Variants in SLC39A14 observed in about 807,000 individuals in gnomAD.
SLC39A14 encodes solute carrier family 39 member 14, also known as metal cation symporter ZIP14.
Under a neutral mutation model 45.5 loss-of-function variants are expected in SLC39A14, and 19 were observed. The observed-to-expected ratio is 0.42, with a 90% CI of 0.29 to 0.61. The LOEUF (loss-of-function observed/expected upper bound fraction) is 0.61. Ranked by LOEUF, SLC39A14 falls within the 20% of genes least tolerant of loss-of-function variation. The pLI, the probability that SLC39A14 is intolerant of heterozygous loss-of-function variation, is 0.22. For missense variants in SLC39A14, 447 were observed against 616.5 expected (o/e 0.73, Z 2.91); for synonymous variants, 264 against 251.3 (o/e 1.05, Z -0.48).
chr8:22,382,377 T>C (rs1833560799), intron 1 of SLC39A14, among the ~76,000 whole-genome samples: 1 of 152,154 alleles, frequency 6.6e-6, no homozygotes, highest in Non-Finnish European at 1.5e-5. Context: ...AGTATGGAAC[T>C]AGTTAAATCT....
intron 1 of SLC39A14, among the ~76,000 whole-genome samples, chr8:22,373,049 G>A (rs1385562111): frequency 2.0e-5 from 3 of 152,040 alleles, no homozygotes; most frequent in African/African-American, 7.2e-5. Flanking sequence ...AGATCACAAG[G>A]TCAAGAGATC....
intron 1 of SLC39A14, among the ~76,000 whole-genome samples, chr8:22,384,974 CG>C (rs1351238773): frequency 1.4e-5 from 2 of 144,040 alleles, no homozygotes; most frequent in African/African-American, 5.2e-5. Context: ...TGCTTGAACC[CG>C]GGAGGCGGAG....
chr8:22,421,734 C>T lies in SLC39A14; in HGVS notation c.*2036C>T. On this transcript the variant is annotated 3_prime_UTR_variant, in exon 9 of 9. Coordinates refer to ENST00000381237, the MANE Select transcript of SLC39A14 (RefSeq NM_001128431.4). ...TATAATTTTAGCATTCCCAATAGAT[C>T]CTATCATTCCTTAAACATAATACCC... The T allele has an allele frequency of 1.0e-6, 1 of 984,460 alleles. No individual in the cohort carries two copies. The allele number at this position is 984,460 out of a possible 1,614,324, so 61.0% of individuals were successfully genotyped here. A position where few individuals can be genotyped will look rare whatever the true frequency, so the allele number is the denominator to read the frequency against.
intron 1 of SLC39A14, among the ~76,000 whole-genome samples, chr8:22,401,267 T>G (rs1183246264): frequency 6.6e-6 from 1 of 152,198 alleles, no homozygotes; most frequent in East Asian, 1.9e-4. Flanking sequence ...TCTGCCGCTG[T>G]TCCTCTGTCG....
chr8:22,418,276 C>G (rs1325864986), intron 8 of SLC39A14, among the ~76,000 whole-genome samples: 1 of 152,116 alleles, frequency 6.6e-6, no homozygotes, highest in Non-Finnish European at 1.5e-5. Context: ...TAAGGTGTAC[C>G]TACCATTCAG....
chr8:22,430,674 C>CT (rs997138306), intron 8 of SLC39A14, among the ~76,000 whole-genome samples: 4 of 151,090 alleles, frequency 2.6e-5, no homozygotes, highest in Non-Finnish European at 5.9e-5. Flanking sequence ...GCTCCCAATT[C>CT]TTTTTTTTTC....
chr8:22,402,185 T>C (rs973697736), intron 1 of SLC39A14, among the ~76,000 whole-genome samples: 1 of 151,958 alleles, frequency 6.6e-6, no homozygotes, highest in African/African-American at 2.4e-5. Flanking sequence ...ATTGAGACCA[T>C]CCTGGCTAAC....
downstream of SLC39A14, among the ~76,000 whole-genome samples, chr8:22,424,011 C>T (rs534872974): frequency 4.0e-5 from 6 of 151,462 alleles, no homozygotes; most frequent in South Asian, 2.1e-4. Flanking sequence ...CATCTTGCTA[C>T]GTTGCCCAAG....
intron 7 of SLC39A14, among the ~76,000 whole-genome samples, chr8:22,416,682 G>A (rs1479454444): frequency 2.0e-5 from 3 of 151,380 alleles, no homozygotes; most frequent in Non-Finnish European, 4.4e-5. Context: ...TGATCCGCCC[G>A]CCTCAGCCTC....
chr8:22,417,221 G>A (rs1203203629), intron 7 of SLC39A14, among the ~76,000 whole-genome samples: 1 of 152,228 alleles, frequency 6.6e-6, no homozygotes, highest in Non-Finnish European at 1.5e-5. Flanking sequence ...TAGTTGTGAG[G>A]AAGGGGGTTC....
At chr8:22,387,151 T>C (rs1833836210) in intron 1 of SLC39A14, among the ~76,000 whole-genome samples, 1 of 146,466 alleles carries the variant, frequency 6.8e-6, no homozygotes, top group African/African-American at 2.5e-5. Flanking sequence ...CCAGTTTAGG[T>C]AACAGAGTGA....
rs1311896421 is a variant in SLC39A14, at chr8:22,421,499, G to C, written c.*1801G>C. The C allele has an allele frequency of 1.0e-6, 1 of 985,386 alleles. No individual in the cohort carries two copies. Among genetic ancestry groups the C allele is most frequent in the African/African-American group, 1.7e-5 (1 of 57,176 alleles). 61.0% of individuals were successfully genotyped at this position (985,386 alleles called of 1,614,324 possible). ...AATATCAGGACTGATTTCCTGGTGG[G>C]ATTATGGTCCAGTTTTACCAAAGAA... On this transcript the variant is annotated 3_prime_UTR_variant, in exon 9 of 9. Transcript: ENST00000381237.
intron 3 of SLC39A14, among the ~76,000 whole-genome samples, chr8:22,410,294 A>G (rs1835495683): frequency 6.6e-6 from 1 of 151,002 alleles, no homozygotes; most frequent in Admixed American, 6.6e-5. Flanking sequence ...CCCACCTCTC[A>G]CTCCTCTGGC....
chr8:22,406,604 A>G (rs898046199), intron 2 of SLC39A14, among the ~76,000 whole-genome samples: 21 of 152,190 alleles, frequency 1.4e-4, no homozygotes, highest in Admixed American at 7.9e-4. Flanking sequence ...AGGCAGGAGA[A>G]TTGCTTGAGC....
chr8:22,417,966 G>C, intron 8 of SLC39A14, 131 bp downstream of exon 8: 1 of 754,060 alleles, frequency 1.3e-6, no homozygotes, highest in Non-Finnish European at 2.0e-6. Context: ...GCAGTGGCAT[G>C]ATCTCAGCTC....
chr8:22,372,757 A>T (rs977136509), intron 1 of SLC39A14, among the ~76,000 whole-genome samples: 2 of 152,092 alleles, frequency 1.3e-5, no homozygotes, highest in Non-Finnish European at 1.5e-5. Context: ...TGTCTTTTGT[A>T]TATGTGGCTA....
At chr8:22,374,641 G>A (rs972397748) in intron 1 of SLC39A14, among the ~76,000 whole-genome samples, 4 of 152,000 alleles carry the variant, frequency 2.6e-5, no homozygotes, top group Admixed American at 1.3e-4. Context: ...AATGGCTCGG[G>A]TGTCTAAGGT....
At chr8:22,380,379 G>A (rs887855376) in intron 1 of SLC39A14, among the ~76,000 whole-genome samples, 2 of 152,186 alleles carry the variant, frequency 1.3e-5, no homozygotes, top group Admixed American at 1.3e-4. Flanking sequence ...GGACAGCAGT[G>A]TTTGGTCCAG....
At chr8:22,371,465 G>A (rs28567537) in intron 1 of SLC39A14, among the ~76,000 whole-genome samples, 86,104 of 138,192 alleles carry the variant, frequency 0.62, 27,289 homozygotes, top group East Asian at 0.82. Flanking sequence ...ACGGAGTCTC[G>A]CTCTGTCGCC....
Sources: gnomAD v4.1 joint callset for allele counts (sites outside exome capture counted in the v4.1 genomes callset) on GRCh38, gnomAD v4.1.1 for gene constraint, MANE v1.5 for transcripts, NCBI Gene and HGNC (gene_info 2026-07-23, HGNC 2026-07-21) for gene names.